The following UBR1 variants were observed in gnomAD, a reference collection of about 807,000 sequenced individuals.
The protein encoded by UBR1 is ubiquitin protein ligase E3 component n-recognin 1, also known as E3 ubiquitin-protein ligase UBR1.
UBR1 carries 102 observed loss-of-function variants against 242.1 expected under a neutral mutation model. The observed-to-expected ratio is 0.42, with a 90% CI of 0.36 to 0.50. The LOEUF is 0.50. UBR1 is among the 20% of genes least tolerant of loss of function. The probability of loss-of-function intolerance (pLI) is 0.01; values close to 1 mark genes in which losing one functional copy is unlikely to be tolerated. For synonymous variants in UBR1, 675 were observed against 684.8 expected, an observed-to-expected ratio of 0.99 and a Z score of 0.22; for missense variants, 1,772 against 2,101.8, an observed-to-expected ratio of 0.84 and a Z score of 3.07.
chr15:42,979,197 TTTTC>T (rs1252432174), intron 37 of UBR1, among the ~76,000 whole-genome samples: 2 of 150,798 alleles, frequency 1.3e-5, no homozygotes, highest in African/African-American at 4.9e-5. Flanking sequence ...CCAACCAATT[TTTTC>T]TTTTTTTCTT....
chr15:43,054,839 CTT>C lies in UBR1; in HGVS notation c.1340_1341del (p.Glu447GlyfsTer4). 1 of 1,614,120 alleles carries C rather than the reference CTT, an allele frequency of 6.2e-7. No homozygotes were observed. Among genetic ancestry groups the C allele is most frequent in the Non-Finnish European group, 8.5e-7 (1 of 1,180,014 alleles). ...VISVITETLL[E>X]VLPEYLDRNN... ...TTCCTGTCCAAGTACTCAGGTAAAA[CTT>C]CTAGCAGAGTTTCAGTAATGACAGA... is the stretch of plus-strand genomic sequence containing the variant. On this transcript the variant is annotated frameshift_variant, in exon 12 of 47. Transcript: ENST00000290650. LOFTEE classifies it high-confidence loss of function.
At chr15:43,056,169 A>G (rs182820296) in intron 11 of UBR1, among the ~76,000 whole-genome samples, 175 bp downstream of exon 11, 13 of 152,366 alleles carry the variant, frequency 8.5e-5, no homozygotes, top group African/African-American at 2.6e-4. Context: ...ATTGACGAGG[A>G]CATCTGAACC....
At chr15:43,026,170 T>G (rs2033175825) in intron 23 of UBR1, 1 of 196,992 alleles carries the variant, frequency 5.1e-6, no homozygotes, top group Non-Finnish European at 1.0e-5. Context: ...AGGTGGAGGT[T>G]GCAGTGAGCT....
chr15:43,060,247 GAAC>G (rs1462640187), intron 6 of UBR1, 133 bp from the exon 7 acceptor site: 1 of 851,194 alleles, frequency 1.2e-6, no homozygotes. Context: ...TAAGATACCG[GAAC>G]AATATCTGAA....
At chr15:43,013,397 C>T (rs967362085) in intron 29 of UBR1, among the ~76,000 whole-genome samples, 3 of 152,180 alleles carry the variant, frequency 2.0e-5, no homozygotes, top group African/African-American at 7.2e-5. Flanking sequence ...ATACCACAGT[C>T]AGAACTCAGA....
intron 19 of UBR1, among the ~76,000 whole-genome samples, chr15:43,034,466 A>G (rs1265101196): frequency 6.6e-6 from 1 of 151,914 alleles, no homozygotes; most frequent in Non-Finnish European, 1.5e-5. Flanking sequence ...TAAATAAAAT[A>G]AAATTTGTAT....
At chr15:43,020,592 A>AAATTT (rs2033097369) in intron 27 of UBR1, among the ~76,000 whole-genome samples, 3 of 152,354 alleles carry the variant, frequency 2.0e-5, no homozygotes, top group Admixed American at 2.0e-4. Flanking sequence ...AATATAGATT[A>AAATTT]GGTCACTTAA....
Position 43,087,187 on chromosome 15 carries a change from C to T in UBR1, c.82-947G>A, listed in dbSNP as rs566448233. ...TTGGGAGGCCGAGGTGGGTGGATCA[C>T]GAGGTCAGGAGATCGAGACCACCCT... On this transcript the variant is annotated intron_variant, in intron 1 of 46. Coordinates refer to ENST00000290650, the MANE Select transcript of UBR1 (RefSeq NM_174916.3). 3.9e-5 allele frequency among the ~76,000 whole-genome samples: 6 copies of T among 152,128 alleles called. No homozygotes were observed. In the South Asian group the frequency reaches 8.3e-4, roughly 21 times the overall value.
chr15:43,080,137 G>A (rs1210404077), intron 3 of UBR1, among the ~76,000 whole-genome samples: 3 of 152,150 alleles, frequency 2.0e-5, no homozygotes, highest in African/African-American at 4.8e-5. Flanking sequence ...TGCTACTGCC[G>A]TATTGCAGAA....
chr15:42,960,546 G>C (rs2031997463), intron 43 of UBR1, 99 bp downstream of exon 43: 1 of 1,197,746 alleles, frequency 8.3e-7, no homozygotes, highest in African/African-American at 1.5e-5. Context: ...TACTGAGTGA[G>C]AATGAAGAAA....
rs1398422893 is a variant in UBR1 at position 42,967,208 on chromosome 15, A to T, written c.4458-922T>A. 2.1e-5 allele frequency among the ~76,000 whole-genome samples: 3 copies of T among 141,640 alleles called. No individual in the cohort carries two copies. In the Admixed American group the frequency reaches 2.2e-4, roughly 11 times the overall value. The allele number at this position is 141,640 out of a possible 152,430, so 92.9% of individuals were successfully genotyped here. On this transcript the variant is annotated intron_variant, in intron 40 of 46. Transcript: ENST00000290650. ...GCTGGGATTATAGGTCTGAGTGACC[A>T]TGCTCAACTAGTTTTTTTTTTTTTT... is the stretch of plus-strand genomic sequence containing the variant.
intron 29 of UBR1, among the ~76,000 whole-genome samples, chr15:43,014,092 C>T (rs530743953): frequency 2.2e-4 from 34 of 152,376 alleles, no homozygotes; most frequent in African/African-American, 7.0e-4. Context: ...CTGTGTTGGC[C>T]GGGCTGGTCT....
chr15:42,969,111 TG>T (rs1055398123), intron 40 of UBR1, among the ~76,000 whole-genome samples: 10 of 152,328 alleles, frequency 6.6e-5, no homozygotes, highest in Middle Eastern at 3.4e-3. Context: ...CCACAATTGT[TG>T]AACTAATTTA....
At chr15:43,080,884 G>A (rs1234136009) in intron 3 of UBR1, among the ~76,000 whole-genome samples, 1 of 152,074 alleles carries the variant, frequency 6.6e-6, no homozygotes, top group Non-Finnish European at 1.5e-5. Context: ...ACAGGAGGTG[G>A]AGGTTACAGT....
rs2032437767 is a variant in UBR1, at chr15:42,985,003, T to C, written c.3998-61A>G. On this transcript the variant is annotated intron_variant, in intron 35 of 46. Coordinates refer to ENST00000290650, the MANE Select transcript of UBR1 (RefSeq NM_174916.3). Reference sequence around the variant, plus strand: ...TGAATAGTGCTATAATCATATACTGTACTTTTTATCAAATGTTCTTTAATA... The same window carrying C: ...TGAATAGTGCTATAATCATATACTGCACTTTTTATCAAATGTTCTTTAATA... 1.1e-5 allele frequency: 13 copies of C among 1,188,690 alleles called. No homozygotes were observed. The East Asian group carries it at 3.3e-4, about 30-fold the overall frequency. The allele number at this position is 1,188,690 out of a possible 1,614,324, so 73.6% of individuals were successfully genotyped here.
chr15:42,977,942 GAAC>G lies in UBR1; in HGVS notation c.4153_4155del (p.Val1385del). On this transcript the variant is annotated inframe_deletion and splice_region_variant, in exon 38 of 47. Transcript: ENST00000290650. ...GTATCTTCTGATTTTATGTTAGGAA[GAAC>G]AACTAAAACAAACAAAAAGTTAATG... is the stretch of plus-strand genomic sequence containing the variant. 6.2e-7 allele frequency: 1 copy of G among 1,611,924 alleles called. No homozygotes were observed.
rs748841916 is a variant in UBR1 at position 43,059,687 on chromosome 15, A to G, written c.985+15T>C. Reference sequence around the variant, plus strand: ...GTATTTTATCAGAAACAAGAAAAACAGGAGGTATGCTTACTTGAATAGCTC... The same window carrying G: ...GTATTTTATCAGAAACAAGAAAAACGGGAGGTATGCTTACTTGAATAGCTC... On this transcript the variant is annotated intron_variant, in intron 8 of 46. Transcript: ENST00000290650. The G allele has an allele frequency of 2.7e-5, 44 of 1,613,926 alleles. No individual in the cohort carries two copies. The highest frequency in any genetic ancestry group is 3.6e-5 in the Non-Finnish European group (43 of 1,179,924).
At chr15:42,993,266 C>A (rs1439551367) in intron 33 of UBR1, among the ~76,000 whole-genome samples, 3 of 152,114 alleles carry the variant, frequency 2.0e-5, no homozygotes, top group African/African-American at 7.2e-5. Flanking sequence ...CTTTAGTTCC[C>A]ATCTGCCTGC....
intron 1 of UBR1, among the ~76,000 whole-genome samples, chr15:43,101,018 T>C (rs2034228012): frequency 6.6e-6 from 1 of 152,212 alleles, no homozygotes; most frequent in Non-Finnish European, 1.5e-5. Context: ...GAGGAACCCA[T>C]CTTTTAGACA....
Sources: gnomAD v4.1 joint callset for allele counts (sites outside exome capture counted in the v4.1 genomes callset) on GRCh38, gnomAD v4.1.1 for gene constraint, MANE v1.5 for transcripts, NCBI Gene and HGNC (gene_info 2026-07-23, HGNC 2026-07-21) for gene names.